The following YJU2 variants were observed in gnomAD, a reference collection of about 807,000 sequenced individuals.
YJU2 encodes the protein YJU2 splicing factor homolog.
In YJU2, 28 loss-of-function variants were observed where a neutral mutation model predicts 39.6. The observed-to-expected ratio is 0.71, with a 90% CI of 0.52 to 0.97. The LOEUF (loss-of-function observed/expected upper bound fraction) is 0.97. Ranked by LOEUF, YJU2 falls within the 50% of genes least tolerant of loss-of-function variation. YJU2 has a pLI of 0.00. For synonymous variants in YJU2, 184 were observed against 182.4 expected (o/e 1.01, Z -0.07); for missense variants, 328 against 430.4 (o/e 0.76, Z 2.11).
intron 4 of YJU2, among the ~76,000 whole-genome samples, chr19:4,257,246 C>G (rs538248195): frequency 6.6e-6 from 1 of 151,988 alleles, no homozygotes; most frequent in African/African-American, 2.4e-5. Flanking sequence ...CCTCTTAGCC[C>G]AGGGCCCGGT....
chr19:4,256,827 C>T (rs1380857220), intron 4 of YJU2, among the ~76,000 whole-genome samples: 1 of 152,134 alleles, frequency 6.6e-6, no homozygotes, highest in Non-Finnish European at 1.5e-5. Flanking sequence ...AACATGGCAG[C>T]TGCGTACCCC....
intron 6 of YJU2, among the ~76,000 whole-genome samples, chr19:4,262,902 T>A (rs547683690): frequency 6.6e-6 from 1 of 151,748 alleles, no homozygotes; most frequent in Non-Finnish European, 1.5e-5. Flanking sequence ...TGAGACCCTG[T>A]CTAAAATAAA....
intron 5 of YJU2, among the ~76,000 whole-genome samples, chr19:4,259,321 C>T (rs1361098992): frequency 7.2e-5 from 11 of 151,914 alleles, no homozygotes; most frequent in Admixed American, 1.3e-4. Context: ...CCTCGTGATC[C>T]GCCCGCCTCG....
intron 1 of YJU2, among the ~76,000 whole-genome samples, chr19:4,247,776 A>G (rs1189700905): frequency 6.6e-6 from 1 of 151,542 alleles, no homozygotes; most frequent in African/African-American, 2.4e-5. Context: ...GGGTCTGGTC[A>G]TGCAGATAAC....
chr19:4,249,294 T>C lies in YJU2; in HGVS notation c.91T>C (p.Tyr31His). Reference protein sequence around the residue: ...PKLKLPKDRQYVVRLMAPFNM... With the variant: ...PKLKLPKDRQHVVRLMAPFNM... ...ACTCAAGCTCCCCAAAGACCGGCAG[T>C]ACGTGGTGCGGCTGATGGCCCCCTT... Residue 31 changes from tyrosine to histidine, a missense_variant, in exon 2 of 8, where the codon TAC becomes CAC. By Grantham distance (83) the Tyr-to-His change is moderately conservative (BLOSUM62 2). Transcript: ENST00000262962. 1 of 1,613,888 alleles carries C rather than the reference T, an allele frequency of 6.2e-7. No homozygotes were observed. Among genetic ancestry groups the C allele is most frequent in the South Asian group, 1.1e-5 (1 of 91,040 alleles).
intron 4 of YJU2, among the ~76,000 whole-genome samples, chr19:4,257,148 C>T (rs963688140): frequency 3.9e-5 from 6 of 152,074 alleles, no homozygotes; most frequent in South Asian, 2.1e-4. Flanking sequence ...CTCAGGGACC[C>T]GTGGCCACCA....
chr19:4,248,411 G>A (rs1412913721), intron 1 of YJU2, among the ~76,000 whole-genome samples: 3 of 152,162 alleles, frequency 2.0e-5, no homozygotes, highest in Non-Finnish European at 2.9e-5. Flanking sequence ...GACAGTGTGC[G>A]CATTTCACAG....
At chr19:4,267,104 G>A (rs1319610226) in intron 6 of YJU2, among the ~76,000 whole-genome samples, 1 of 152,204 alleles carries the variant, frequency 6.6e-6, no homozygotes, top group East Asian at 1.9e-4. Flanking sequence ...AGTACATTGA[G>A]CACCTCCTTG....
At chr19:4,259,775 G>A (rs1971056192) in intron 5 of YJU2, among the ~76,000 whole-genome samples, 1 of 152,056 alleles carries the variant, frequency 6.6e-6, no homozygotes, top group Non-Finnish European at 1.5e-5. Flanking sequence ...AATCTGAGCT[G>A]TAAGGACAGG....
At chr19:4,255,852 C>T (rs1971015535) in intron 4 of YJU2, among the ~76,000 whole-genome samples, 1 of 151,226 alleles carries the variant, frequency 6.6e-6, no homozygotes, top group Non-Finnish European at 1.5e-5. Context: ...ACTAAAAATA[C>T]AAAAATTAAC....
Position 4,255,861 on chromosome 19 carries a change from A to T in YJU2, c.405+1372A>T, listed in dbSNP as rs193133143. On this transcript the variant is annotated intron_variant, in intron 4 of 7. Coordinates refer to ENST00000262962, the MANE Select transcript of YJU2 (RefSeq NM_018074.6). ...GTCTCTACTAAAAATACAAAAATTA[A>T]CCAGGCGTGGTGGCACGCGCCTATA... Among the ~76,000 whole-genome samples the T allele has an allele frequency of 1.7e-3, 260 of 150,646 alleles. 1 individual carries two copies. The highest frequency in any genetic ancestry group is 3.0e-3 in the Non-Finnish European group (204 of 67,550).
chr19:4,257,541 T>G (rs1397761451), intron 4 of YJU2, among the ~76,000 whole-genome samples: 1 of 151,044 alleles, frequency 6.6e-6, no homozygotes, highest in African/African-American at 2.4e-5. Context: ...TGGTGCAATC[T>G]TGGTTCACTG....
Position 4,247,556 on chromosome 19 carries a change from TTTGGG to T in YJU2, c.24+388_24+392del, listed in dbSNP as rs1970930177. Reference sequence around the variant, plus strand: ...TTGGGGACTGTAACCAATCGTGTACTTTGGGTGGGGTGGGGTGGGGTGGCGCGTGT... The same window carrying T: ...TTGGGGACTGTAACCAATCGTGTACTTGGGGTGGGGTGGGGTGGCGCGTGT... On this transcript the variant is annotated intron_variant, in intron 1 of 7. Transcript: ENST00000262962. 3.1e-5 allele frequency among the ~76,000 whole-genome samples: 3 copies of T among 97,596 alleles called. 1 individual carries two copies. The highest frequency in any genetic ancestry group is 7.7e-4 in the South Asian group (2 of 2,602). 64.0% of individuals were successfully genotyped at this position (97,596 alleles called of 152,430 possible). A position where few individuals can be genotyped will look rare whatever the true frequency, so the allele number is the denominator to read the frequency against.
chr19:4,260,245 G>A (rs952205044), intron 5 of YJU2, among the ~76,000 whole-genome samples: 3 of 152,046 alleles, frequency 2.0e-5, no homozygotes, highest in Non-Finnish European at 2.9e-5. Context: ...CCAACATGGC[G>A]AAACCCCATC....
At chr19:4,266,082 T>C (rs540166705) in intron 6 of YJU2, among the ~76,000 whole-genome samples, 24 of 151,546 alleles carry the variant, frequency 1.6e-4, no homozygotes, top group Non-Finnish European at 3.1e-4. Flanking sequence ...GTCTCCCGAG[T>C]AGCTGGGATT....
At chr19:4,247,577 T>TGGCGC (rs1429514817) in intron 1 of YJU2, among the ~76,000 whole-genome samples, 4 of 40,966 alleles carry the variant, frequency 9.8e-5, no homozygotes, top group Admixed American at 8.1e-4. Flanking sequence ...TGGGGTGGGG[T>TGGCGC]GGCGCGTGTG....
At chr19:4,261,575 C>T (rs1971070860) in intron 5 of YJU2, among the ~76,000 whole-genome samples, 3 of 152,074 alleles carry the variant, frequency 2.0e-5, no homozygotes, top group South Asian at 2.1e-4. Context: ...GCAGGAGAAT[C>T]GCTTCAACCT....
intron 1 of YJU2, among the ~76,000 whole-genome samples, chr19:4,247,658 T>G (rs780539050): frequency 1.5e-5 from 1 of 67,780 alleles, no homozygotes; most frequent in Non-Finnish European, 2.6e-5. Flanking sequence ...TGTGTGTGTG[T>G]GTGTGTGTGT....
intron 6 of YJU2, among the ~76,000 whole-genome samples, chr19:4,264,379 C>T (rs1463469572): frequency 1.3e-5 from 2 of 151,562 alleles, no homozygotes; most frequent in Non-Finnish European, 2.9e-5. Flanking sequence ...GCAGTCCCAG[C>T]TCACTGCAGC....
Sources: gnomAD v4.1 joint callset for allele counts (sites outside exome capture counted in the v4.1 genomes callset) on GRCh38, gnomAD v4.1.1 for gene constraint, MANE v1.5 for transcripts, NCBI Gene and HGNC (gene_info 2026-07-23, HGNC 2026-07-21) for gene names.